WLS: variants seen among roughly 807,000 people sequenced by gnomAD.
WLS encodes the protein Wnt ligand secretion mediator.
In WLS, 23 loss-of-function variants were observed where a neutral mutation model predicts 62.8. The observed-to-expected ratio is 0.37, with a 90% confidence interval of 0.26 to 0.52. The LOEUF (loss-of-function observed/expected upper bound fraction) is 0.52, where lower values mean the gene tolerates loss of function less well. Ranked by LOEUF, WLS falls within the 20% of genes least tolerant of loss-of-function variation. WLS has a pLI of 0.92. For synonymous variants in WLS, 246 were observed against 244.1 expected, an observed-to-expected ratio of 1.01 and a Z score of -0.07; for missense variants, 615 against 697.3, an observed-to-expected ratio of 0.88 and a Z score of 1.33.
intron 1 of WLS, chr1:68,202,356 T>C (rs1272050820): frequency 6.6e-6 from 1 of 152,208 alleles, no homozygotes; most frequent in Non-Finnish European, 1.5e-5. Context: ...TGCTAATTGG[T>C]GTAGCAATCC....
chr1:68,116,721 G>C (rs1404028263), intron 11 of WLS, among the ~76,000 whole-genome samples: 1 of 152,230 alleles, frequency 6.6e-6, no homozygotes, highest in East Asian at 1.9e-4. Context: ...TTATTGGTCT[G>C]TGTTAGAACA....
chr1:68,224,251 G>A (rs577181725), intron 1 of WLS, among the ~76,000 whole-genome samples: 2 of 152,306 alleles, frequency 1.3e-5, no homozygotes, highest in African/African-American at 4.8e-5. Context: ...GATTTAAATA[G>A]GCATAGCAGA....
intron 11 of WLS, among the ~76,000 whole-genome samples, chr1:68,133,250 G>C (rs1646557293): frequency 6.6e-6 from 1 of 152,162 alleles, no homozygotes; most frequent in South Asian, 2.1e-4. Flanking sequence ...ATGTGAATGA[G>C]TTTGCACATT....
chr1:68,126,579 C>G (rs1204106290), intron 11 of WLS, among the ~76,000 whole-genome samples: 2 of 152,172 alleles, frequency 1.3e-5, no homozygotes, highest in African/African-American at 4.8e-5. Context: ...TGAGTCAGCT[C>G]ACTGCTGATA....
At chr1:68,162,659 G>C in intron 2 of WLS, 1 of 1,235,324 alleles carries the variant, frequency 8.1e-7, no homozygotes, top group East Asian at 2.3e-5. Flanking sequence ...CTCTGGTACA[G>C]ATTGAGGATG....
At chr1:68,156,982 C>T (rs1360537865) in intron 3 of WLS, among the ~76,000 whole-genome samples, 2 of 152,150 alleles carry the variant, frequency 1.3e-5, no homozygotes, top group African/African-American at 2.4e-5. Context: ...AACTTGAGGG[C>T]GGAAGGGAAC....
chr1:68,182,080 T>C (rs890945811), intron 2 of WLS, among the ~76,000 whole-genome samples: 4 of 152,234 alleles, frequency 2.6e-5, no homozygotes, highest in African/African-American at 9.6e-5. Flanking sequence ...CACAATCTAC[T>C]CAACAATGTT....
chr1:68,161,170 C>T (rs1646967219), intron 2 of WLS, among the ~76,000 whole-genome samples: 1 of 152,090 alleles, frequency 6.6e-6, no homozygotes, highest in Admixed American at 6.6e-5. Context: ...AACTTACAAC[C>T]AACTTGCCCA....
rs749984992 is a variant in WLS at position 68,113,145 on chromosome 1, G to A, written c.1511-14392C>T. On this transcript the variant is annotated intron_variant, in intron 11 of 11. Coordinates refer to the WLS transcript ENST00000354777. ...TCACTCTGAGACCATATTGGCTGAA[G>A]CTCTGGGCTTACTCATATCCTGAGT... is the stretch of plus-strand genomic sequence containing the variant. Among the ~76,000 whole-genome samples, 55 of 152,210 alleles carry A rather than the reference G, an allele frequency of 3.6e-4. 1 individual carries two copies. The highest frequency in any genetic ancestry group is 1.0e-4 in the Non-Finnish European group (7 of 68,038).
At chr1:68,173,621 G>A (rs1366864972) in intron 2 of WLS, among the ~76,000 whole-genome samples, 1 of 152,222 alleles carries the variant, frequency 6.6e-6, no homozygotes, top group Non-Finnish European at 1.5e-5. Context: ...ACACAGGTCA[G>A]TTCTTCAAAG....
intron 2 of WLS, among the ~76,000 whole-genome samples, chr1:68,173,480 AGAT>A (rs1213377638): frequency 3.9e-5 from 6 of 152,198 alleles, no homozygotes; most frequent in African/African-American, 1.4e-4. Flanking sequence ...GTCTAAAAAT[AGAT>A]GATGGCAGAG....
rs146630639 is a variant in WLS at position 68,161,813 on chromosome 1, G to A, written c.380-2566C>T. The A allele has an allele frequency of 1.9e-4, 299 of 1,603,768 alleles. No individual in the cohort carries two copies. In the African/African-American group the frequency reaches 3.4e-3, roughly 18 times the overall value. On this transcript the variant is annotated intron_variant, in intron 2 of 11. Transcript: ENST00000262348. The stretch of plus-strand genomic sequence containing the variant: ...TGTTTTGTGGGCTGGTTGGGAGAGG[G>A]CGCCTGGGAAGGATGTGCCACTGTT...
At chr1:68,121,729 G>A (rs1646366019), downstream of WLS, among the ~76,000 whole-genome samples, 1 of 152,170 alleles carries the variant, frequency 6.6e-6, no homozygotes, top group Non-Finnish European at 1.5e-5. Context: ...ACATCCTGAT[G>A]AGTCAGCTTG....
At chr1:68,227,353 G>T (rs1347740696) in intron 1 of WLS, among the ~76,000 whole-genome samples, 3 of 148,602 alleles carry the variant, frequency 2.0e-5, no homozygotes, top group South Asian at 2.1e-4. Context: ...GGAGGCGGAG[G>T]TTGCAGTGAG....
Position 68,125,611 on chromosome 1 carries a change from G to T in WLS, c.*615C>A. 1 of 985,424 alleles carries T rather than the reference G, an allele frequency of 1.0e-6. No homozygotes were observed. Among genetic ancestry groups the T allele is most frequent in the Non-Finnish European group, 1.2e-6 (1 of 829,988 alleles). 61.0% of individuals were successfully genotyped at this position (985,424 alleles called of 1,614,324 possible). A position where few individuals can be genotyped will look rare whatever the true frequency, so the allele number is the denominator to read the frequency against. Reference sequence around the variant, plus strand: ...TGGTTAGTATTAGATACACAGATTTGGTTTCAAAGCTGAAATACCCCTGGT... The same window carrying T: ...TGGTTAGTATTAGATACACAGATTTTGTTTCAAAGCTGAAATACCCCTGGT... On this transcript the variant is annotated 3_prime_UTR_variant, in exon 12 of 12. Transcript: ENST00000262348.
chr1:68,162,378 G>A lies in WLS; in HGVS notation c.380-3131C>T, dbSNP rs1236975614. On this transcript the variant is annotated intron_variant, in intron 2 of 11. Coordinates refer to ENST00000262348, the MANE Select transcript of WLS (RefSeq NM_024911.7). ...CGTTGAGATTGCAGTGCAAGGAGAC[G>A]CAGTCGCTCTGATACAGCAAATCCT... The A allele has an allele frequency of 2.5e-6, 4 of 1,613,788 alleles. No homozygotes were observed. The African/African-American group carries it at 4.0e-5, about 16-fold the overall frequency.
downstream of WLS, among the ~76,000 whole-genome samples, chr1:68,122,604 T>G (rs939554424): frequency 6.6e-6 from 1 of 152,222 alleles, no homozygotes; most frequent in Non-Finnish European, 1.5e-5. Flanking sequence ...ATATACTTTT[T>G]TCCTATAATA....
chr1:68,182,601 C>T (rs1217316221), intron 2 of WLS, among the ~76,000 whole-genome samples: 2 of 152,170 alleles, frequency 1.3e-5, no homozygotes, highest in Non-Finnish European at 2.9e-5. Context: ...TGAAGGGGCA[C>T]ACAATTCAAT....
intron 11 of WLS, among the ~76,000 whole-genome samples, chr1:68,119,327 C>T (rs1646335929): frequency 6.6e-6 from 1 of 152,174 alleles, no homozygotes; most frequent in Admixed American, 6.5e-5. Context: ...CAGTATTTAT[C>T]TTTGGATAGA....
Sources: gnomAD v4.1 joint callset for allele counts (sites outside exome capture counted in the v4.1 genomes callset) on GRCh38, gnomAD v4.1.1 for gene constraint, MANE v1.5 for transcripts, NCBI Gene and HGNC (gene_info 2026-07-23, HGNC 2026-07-21) for gene names.